The following SLC39A8 variants were observed in gnomAD, a reference collection of about 807,000 sequenced individuals.
SLC39A8 encodes the protein metal cation symporter ZIP8.
A neutral mutation model predicts 40.4 loss-of-function variants in SLC39A8; 15 were observed. The observed-to-expected ratio is 0.37, with a 90% CI of 0.25 to 0.57. The LOEUF (loss-of-function observed/expected upper bound fraction) is 0.57. Ranked by LOEUF, SLC39A8 falls within the 20% of genes least tolerant of loss-of-function variation. The pLI, the probability that SLC39A8 is intolerant of heterozygous loss-of-function variation, is 0.75. For synonymous variants in SLC39A8, 223 were observed against 221.6 expected (o/e 1.01, Z -0.06); for missense variants, 472 against 558.8 (o/e 0.84, Z 1.57).
At chr4:102,306,878 C>T (rs1280880267) in intron 4 of SLC39A8, among the ~76,000 whole-genome samples, 1 of 151,326 alleles carries the variant, frequency 6.6e-6, no homozygotes, top group Non-Finnish European at 1.5e-5. Flanking sequence ...CACATTTTAT[C>T]AAAGAAAAAA....
intron 6 of SLC39A8, among the ~76,000 whole-genome samples, chr4:102,288,332 A>G (rs1733275038): frequency 1.3e-5 from 2 of 152,058 alleles, no homozygotes. Flanking sequence ...GACTTAACCA[A>G]TTAATGTTGT....
At chr4:102,331,307 A>G (rs1160339860) in intron 2 of SLC39A8, among the ~76,000 whole-genome samples, 3 of 152,268 alleles carry the variant, frequency 2.0e-5, no homozygotes, top group Non-Finnish European at 4.4e-5. Flanking sequence ...CCTTAGGCTG[A>G]TAAGCAACTC....
intron 6 of SLC39A8, among the ~76,000 whole-genome samples, chr4:102,293,325 G>A (rs776701771): frequency 4.6e-5 from 7 of 152,058 alleles, no homozygotes; most frequent in Non-Finnish European, 1.0e-4. Context: ...TCCTATTAAA[G>A]TTGGAAACAA....
chr4:102,272,579 T>C (rs1732416766), intron 6 of SLC39A8, among the ~76,000 whole-genome samples: 1 of 152,158 alleles, frequency 6.6e-6, no homozygotes. Context: ...TTAGACCTTG[T>C]CTCTAAATAA....
chr4:102,345,273 A>T (rs1736126693), intron 1 of SLC39A8, 72 bp downstream of exon 1: 1 of 152,550 alleles, frequency 6.6e-6, no homozygotes, highest in African/African-American at 2.4e-5. Flanking sequence ...GCGCGTTTAA[A>T]GGGGACCCTC....
chr4:102,257,753 G>A (rs1275331293), downstream of SLC39A8, among the ~76,000 whole-genome samples: 1 of 152,214 alleles, frequency 6.6e-6, no homozygotes. Flanking sequence ...TAGTCACGGA[G>A]TAATGTCTCC....
At chr4:102,277,684 C>G (rs960907693) in intron 6 of SLC39A8, among the ~76,000 whole-genome samples, 6 of 152,080 alleles carry the variant, frequency 3.9e-5, no homozygotes, top group African/African-American at 1.4e-4. Context: ...CCAAGACAAG[C>G]CTAAGCAAAA....
intron 2 of SLC39A8, among the ~76,000 whole-genome samples, chr4:102,324,963 G>A (rs549137724): frequency 3.9e-5 from 6 of 152,194 alleles, no homozygotes; most frequent in African/African-American, 1.2e-4. Flanking sequence ...TTCAAAGCAC[G>A]AGTGACTGAG....
intron 6 of SLC39A8, among the ~76,000 whole-genome samples, chr4:102,272,410 G>A (rs1732404233): frequency 6.6e-6 from 1 of 151,030 alleles, no homozygotes; most frequent in African/African-American, 2.4e-5. Flanking sequence ...AGCCGAGCCT[G>A]GGTGACAGAG....
intron 6 of SLC39A8, among the ~76,000 whole-genome samples, chr4:102,282,048 C>T (rs1026376406): frequency 1.3e-5 from 2 of 152,140 alleles, no homozygotes; most frequent in African/African-American, 4.8e-5. Context: ...TAGATATTAT[C>T]CCCATTTTAC....
At chr4:102,308,606 G>A (rs1198553945) in intron 3 of SLC39A8, among the ~76,000 whole-genome samples, 2 of 152,108 alleles carry the variant, frequency 1.3e-5, no homozygotes, top group Non-Finnish European at 2.9e-5. Flanking sequence ...CCTCAGGGCT[G>A]TGCAACATGT....
chr4:102,325,639 T>C (rs1301907318), intron 2 of SLC39A8, among the ~76,000 whole-genome samples: 1 of 152,178 alleles, frequency 6.6e-6, no homozygotes, highest in East Asian at 1.9e-4. Context: ...GTTAACAGTG[T>C]TTATCTCTGA....
At chr4:102,269,667 A>G (rs1415290990) in intron 6 of SLC39A8, 1 of 152,196 alleles carries the variant, frequency 6.6e-6, no homozygotes, top group Non-Finnish European at 1.5e-5. Context: ...AAAAAGAGTG[A>G]ATGGGCATTT....
chr4:102,320,507 T>C (rs1734915408), intron 2 of SLC39A8, among the ~76,000 whole-genome samples: 1 of 66,938 alleles, frequency 1.5e-5, no homozygotes, highest in African/African-American at 6.2e-5. Flanking sequence ...TGAGAATATA[T>C]ATATGAGAGT....
chr4:102,328,595 T>A (rs1052646395), intron 2 of SLC39A8, among the ~76,000 whole-genome samples: 1 of 152,256 alleles, frequency 6.6e-6, no homozygotes, highest in East Asian at 1.9e-4. Flanking sequence ...ATTTCATTCA[T>A]TCAACAAATA....
intron 6 of SLC39A8, among the ~76,000 whole-genome samples, chr4:102,274,344 G>A (rs1732515652): frequency 6.6e-6 from 1 of 152,120 alleles, no homozygotes; most frequent in African/African-American, 2.4e-5. Context: ...GCAGAAGAAA[G>A]TATATCAGAA....
intron 8 of SLC39A8, among the ~76,000 whole-genome samples, chr4:102,265,101 A>G (rs1351225578): frequency 3.3e-5 from 5 of 152,226 alleles, no homozygotes; most frequent in Non-Finnish European, 7.3e-5. Flanking sequence ...CTATCTGGCA[A>G]ACAAAGTCTA....
chr4:102,282,914 G>C (rs1184509388), intron 6 of SLC39A8, among the ~76,000 whole-genome samples: 2 of 152,142 alleles, frequency 1.3e-5, no homozygotes, highest in African/African-American at 4.8e-5. Flanking sequence ...TTTTAGTAGA[G>C]ACAGGGTTTC....
chr4:102,325,163 C>A (rs2149047502), intron 2 of SLC39A8, among the ~76,000 whole-genome samples: 1 of 152,068 alleles, frequency 6.6e-6, no homozygotes, highest in African/African-American at 2.4e-5. Context: ...CTTTAAAGTC[C>A]TCTTCAAAGT....
Sources: allele counts gnomAD v4.1 joint callset (sites outside exome capture counted in the v4.1 genomes callset), GRCh38; gene constraint gnomAD v4.1.1; transcripts MANE v1.5; gene names NCBI Gene and HGNC (gene_info 2026-07-23, HGNC 2026-07-21).